The following YTHDC2 variants were observed in gnomAD, a reference collection of about 807,000 sequenced individuals.
YTHDC2 encodes 3'-5' RNA helicase YTHDC2.
YTHDC2 carries 45 observed loss-of-function variants against 174.9 expected under a neutral mutation model. The ratio of observed to expected loss-of-function variants is 0.26; its 90% CI spans 0.20 to 0.33. The LOEUF is 0.33. Ranked by LOEUF, YTHDC2 falls within the 10% of genes least tolerant of loss-of-function variation. YTHDC2 has a pLI of 1.00. For missense variants in YTHDC2, 1,650 were observed against 1,723.7 expected (o/e 0.96, Z 0.76); for synonymous variants, 657 against 574.5 (o/e 1.14, Z -2.05).
intron 23 of YTHDC2, among the ~76,000 whole-genome samples, chr5:113,575,749 T>C (rs947805504): frequency 6.6e-6 from 1 of 152,194 alleles, no homozygotes; most frequent in Non-Finnish European, 1.5e-5. Flanking sequence ...TGACGTGGTG[T>C]GTTCCAAAAG....
rs138502459 is a variant in YTHDC2 at position 113,581,455 on chromosome 5, T to A, written c.3393T>A (p.His1131Gln). The A allele has an allele frequency of 1.1e-5, 18 of 1,612,482 alleles. No homozygotes were observed. Among genetic ancestry groups the A allele is most frequent in the African/African-American group, 2.7e-5 (2 of 74,844 alleles). The change falls in exon 25 of 30, where the codon CAT (histidine) becomes CAA (glutamine). Residue 1131 changes from histidine (H) to glutamine (Q), a missense_variant. Coordinates refer to ENST00000161863, the MANE Select transcript of YTHDC2 (RefSeq NM_022828.5). ...SLLLQLRQKWHSLFLRRMRAP... is the reference protein window; with the variant it reads ...SLLLQLRQKWQSLFLRRMRAP... ...TGCTGCAGCTCAGACAGAAGTGGCA[T>A]AGCTTATTTTTACGCCGAATGAGAG...
At chr5:113,590,984 G>A in intron 26 of YTHDC2, 57 bp from the exon 27 acceptor site, 3 of 1,430,272 alleles carry the variant, frequency 2.1e-6, no homozygotes, top group South Asian at 2.5e-5. Flanking sequence ...ATTTAATGGA[G>A]CCTCTTGGTT....
intron 13 of YTHDC2, 110 bp downstream of exon 13, chr5:113,553,469 C>T: frequency 7.1e-7 from 1 of 1,403,232 alleles, no homozygotes. Context: ...AGTGAATAAT[C>T]TCCTGTCATC....
At chr5:113,535,542 A>T in intron 6 of YTHDC2, 100 bp from the exon 7 acceptor site, 3 of 1,152,682 alleles carry the variant, frequency 2.6e-6, no homozygotes, top group Non-Finnish European at 3.6e-6. Flanking sequence ...GTCCACATTT[A>T]ATTTGAATTA....
intron 4 of YTHDC2, among the ~76,000 whole-genome samples, chr5:113,531,949 T>C (rs1385077017): frequency 6.6e-6 from 1 of 152,124 alleles, no homozygotes; most frequent in African/African-American, 2.4e-5. Flanking sequence ...ATTTACTCCA[T>C]GACTCAGCAT....
At chr5:113,581,352 AATC>A in intron 24 of YTHDC2, 62 bp from the exon 25 acceptor site, 1 of 1,379,942 alleles carries the variant, frequency 7.2e-7, no homozygotes, top group Non-Finnish European at 9.5e-7. Flanking sequence ...AATGGAAACT[AATC>A]AACACATAGG....
At chr5:113,563,655 A>G (rs566087958) in intron 19 of YTHDC2, among the ~76,000 whole-genome samples, 163 bp downstream of exon 19, 90 of 152,334 alleles carry the variant, frequency 5.9e-4, no homozygotes, top group African/African-American at 1.9e-3. Context: ...ATCTTAAATG[A>G]TCATGTACTT....
At chr5:113,573,559 G>A (rs1443359212) in intron 23 of YTHDC2, among the ~76,000 whole-genome samples, 1 of 152,112 alleles carries the variant, frequency 6.6e-6, no homozygotes, top group Non-Finnish European at 1.5e-5. Context: ...CCTGAAGTAT[G>A]TTTTCCAGCT....
At chr5:113,571,694 C>G (rs533071839) in intron 23 of YTHDC2, among the ~76,000 whole-genome samples, 22 of 152,128 alleles carry the variant, frequency 1.4e-4, no homozygotes, top group Non-Finnish European at 2.6e-4. Flanking sequence ...CTTTCTGGTT[C>G]AGTCTCAGGA....
chr5:113,546,878 A>G, intron 10 of YTHDC2, among the ~76,000 whole-genome samples: 1 of 152,206 alleles, frequency 6.6e-6, no homozygotes, highest in East Asian at 1.9e-4. Context: ...TGTTGGCAGA[A>G]TAGCCATGAG....
In YTHDC2 at chr5:113,513,848, C is replaced by T. The variant is rs760229785; in HGVS notation, c.-48C>T. On this transcript the variant is annotated 5_prime_UTR_variant, in exon 1 of 30. Coordinates refer to ENST00000161863, the MANE Select transcript of YTHDC2 (RefSeq NM_022828.5). ...CACGGTCTTTGTCATTGGCTGTCAG[C>T]TAGCAGGCCTGGCCGCTCCCGTGCG... is the stretch of plus-strand genomic sequence containing the variant. 2.0e-6 allele frequency: 3 copies of T among 1,524,780 alleles called. No individual in the cohort carries two copies. The African/African-American group carries it at 4.3e-5, about 22-fold the overall frequency. The allele number at this position is 1,524,780 out of a possible 1,614,324, so 94.5% of individuals were successfully genotyped here.
chr5:113,579,265 G>A (rs879608092), intron 23 of YTHDC2, among the ~76,000 whole-genome samples: 4 of 152,006 alleles, frequency 2.6e-5, no homozygotes, highest in Non-Finnish European at 4.4e-5. Flanking sequence ...TTGATATGTA[G>A]TATAGTCATT....
intron 2 of YTHDC2, among the ~76,000 whole-genome samples, chr5:113,517,009 A>C (rs1175058381): frequency 6.6e-6 from 1 of 152,216 alleles, no homozygotes; most frequent in Admixed American, 6.5e-5. Context: ...AATATAGTTC[A>C]GTGCCACAAT....
chr5:113,551,496 A>G (rs1165340195), intron 12 of YTHDC2, among the ~76,000 whole-genome samples: 1 of 152,162 alleles, frequency 6.6e-6, no homozygotes, highest in African/African-American at 2.4e-5. Flanking sequence ...TTTATGTGTT[A>G]AAAATTAAAA....
intron 19 of YTHDC2, 149 bp from the exon 20 acceptor site, chr5:113,563,710 T>G: frequency 7.2e-6 from 7 of 976,144 alleles, no homozygotes; most frequent in Non-Finnish European, 1.0e-5. Flanking sequence ...AGTTCTTTTA[T>G]ATAGTATAAT....
Position 113,525,228 on chromosome 5 carries a change from T to C in YTHDC2, c.475+51T>C, listed in dbSNP as rs1264677701. 12 of 1,378,388 alleles carry C rather than the reference T, an allele frequency of 8.7e-6. No individual in the cohort carries two copies. In the Admixed American group the frequency reaches 1.3e-4, roughly 15 times the overall value. The allele number at this position is 1,378,388 out of a possible 1,614,324, so 85.4% of individuals were successfully genotyped here. A position where few individuals can be genotyped will look rare whatever the true frequency, so the allele number is the denominator to read the frequency against. On this transcript the variant is annotated intron_variant, in intron 3 of 29. Transcript: ENST00000161863. ...CATTTACCCTATTATTTGATGACTG[T>C]TCTTTTTCCATTTTAGATTTATTTT...
rs766909435 is a variant in YTHDC2 at position 113,584,297 on chromosome 5, T to G, written c.3648-5T>G. 4.4e-6 allele frequency: 7 copies of G among 1,604,630 alleles called. No individual in the cohort carries two copies. The East Asian group carries it at 1.6e-4, about 36-fold the overall frequency. On this transcript the variant is annotated splice_polypyrimidine_tract_variant and splice_region_variant and intron_variant, in intron 25 of 29. Coordinates refer to ENST00000161863, the MANE Select transcript of YTHDC2 (RefSeq NM_022828.5). ...CTGATCTTTGCTTCCTCCTTCTTGCTCAAGAGTACTGATGAAATCTCCATC... is the reference window on the plus strand; with the variant it reads ...CTGATCTTTGCTTCCTCCTTCTTGCGCAAGAGTACTGATGAAATCTCCATC...
At chr5:113,541,317 A>G (rs920930355) in intron 9 of YTHDC2, among the ~76,000 whole-genome samples, 2 of 151,140 alleles carry the variant, frequency 1.3e-5, no homozygotes, top group African/African-American at 4.9e-5. Flanking sequence ...TCAGCCTCCC[A>G]AGTAGCTGGG....
chr5:113,549,131 A>AT (rs201940477), intron 12 of YTHDC2, 111 bp downstream of exon 12: 779 of 895,724 alleles, frequency 8.7e-4, no homozygotes, highest in African/African-American at 3.5e-3. Context: ...TTATCCAGAG[A>AT]TTTTTTTTTG....
Sources: allele counts gnomAD v4.1 joint callset (sites outside exome capture counted in the v4.1 genomes callset), GRCh38; gene constraint gnomAD v4.1.1; transcripts MANE v1.5; gene names NCBI Gene and HGNC (gene_info 2026-07-23, HGNC 2026-07-21).